The following PDXDC1 variants were observed in gnomAD, a reference collection of about 807,000 sequenced individuals.
PDXDC1 encodes the protein pyridoxal-dependent decarboxylase domain-containing protein 1.
In PDXDC1, 42 loss-of-function variants were observed where a neutral mutation model predicts 100.1. The ratio of observed to expected loss-of-function variants is 0.42; its 90% CI spans 0.33 to 0.54. PDXDC1 has a LOEUF of 0.54. PDXDC1 is among the 20% of genes least tolerant of loss of function. PDXDC1 has a pLI of 0.10. For missense variants in PDXDC1, 636 were observed against 979.2 expected, an observed-to-expected ratio of 0.65 and a Z score of 4.68; for synonymous variants, 260 against 371.7, an observed-to-expected ratio of 0.70 and a Z score of 3.46.
At chr16:15,040,122 G>A, downstream of PDXDC1, 4 of 965,362 alleles carry the variant, frequency 4.1e-6, no homozygotes, top group Non-Finnish European at 6.7e-6. Flanking sequence ...CGGAAAGTCT[G>A]CACAGTCTTA....
downstream of PDXDC1, among the ~76,000 whole-genome samples, chr16:15,140,573 G>A (rs2048455981): frequency 1.3e-5 from 2 of 152,104 alleles, no homozygotes; most frequent in African/African-American, 2.4e-5. Context: ...TCACAGCCAT[G>A]GGAAAGACAT....
intron 20 of PDXDC1, 27 bp downstream of exon 20, chr16:15,034,405 G>T (rs867093385): frequency 6.2e-7 from 1 of 1,613,284 alleles, no homozygotes; most frequent in Non-Finnish European, 8.5e-7. Context: ...GCAGCAGGCT[G>T]GGGGAGCCGC....
intron 1 of PDXDC1, among the ~76,000 whole-genome samples, chr16:14,986,485 C>G (rs11075248): frequency 6.6e-6 from 1 of 152,044 alleles, no homozygotes; most frequent in African/African-American, 2.4e-5. Flanking sequence ...AGTCTCAGTT[C>G]TGTGACAGTG....
downstream of PDXDC1, among the ~76,000 whole-genome samples, chr16:15,144,294 GCTC>G (rs1288127165): frequency 6.6e-6 from 1 of 152,220 alleles, no homozygotes; most frequent in Non-Finnish European, 1.5e-5. Context: ...TCTGCGCTGT[GCTC>G]CTTTCTATTT....
chr16:14,990,358 C>T (rs1399101704), intron 1 of PDXDC1, among the ~76,000 whole-genome samples: 1 of 152,284 alleles, frequency 6.6e-6, no homozygotes, highest in African/African-American at 2.4e-5. Context: ...AGGTTTGTGT[C>T]TGGCTGTTGC....
At position 15,131,453 on chromosome 16, in the gene PDXDC1, A is replaced by G. The variant is rs879238536; in HGVS notation, c.1400-7426A>G. The stretch of plus-strand genomic sequence containing the variant: ...CTGCTGAAAGCCTAGGGGATGGAGA[A>G]GTGGCAGCCAGGCCCTGGGGCGCCG... On this transcript the variant is annotated intron_variant, in intron 16 of 16. Coordinates refer to the PDXDC1 transcript ENST00000535621. The G allele has an allele frequency of 5.2e-5, 83 of 1,607,890 alleles. 1 individual carries two copies. Among genetic ancestry groups the G allele is most frequent in the African/African-American group, 1.1e-4 (8 of 74,768 alleles).
chr16:15,141,621 C>T (rs1217944652), downstream of PDXDC1, among the ~76,000 whole-genome samples: 1 of 152,204 alleles, frequency 6.6e-6, no homozygotes, highest in Non-Finnish European at 1.5e-5. Context: ...CGCTTCCCCC[C>T]TAACTGAACC....
At chr16:15,127,420 G>C in intron 16 of PDXDC1, 5 of 1,459,838 alleles carry the variant, frequency 3.4e-6, no homozygotes, top group Non-Finnish European at 4.6e-6. Flanking sequence ...GCATGGTGCC[G>C]AGGCCCAGGC....
intron 16 of PDXDC1, chr16:15,068,221 G>C: frequency 6.3e-7 from 1 of 1,594,886 alleles, no homozygotes; most frequent in Admixed American, 1.7e-5. Context: ...ATCTTCAGGG[G>C]ATTTAGCTGG....
the PDXDC1 span, among the ~76,000 whole-genome samples, chr16:15,147,938 G>C: frequency 5.9e-5 from 9 of 151,578 alleles, no homozygotes; most frequent in African/African-American, 1.7e-4. Flanking sequence ...CCCCACCTTG[G>C]CCTCCCAAAG....
downstream of PDXDC1, among the ~76,000 whole-genome samples, chr16:15,039,241 A>G (rs1469203806): frequency 3.3e-5 from 5 of 152,228 alleles, no homozygotes; most frequent in Non-Finnish European, 7.3e-5. Flanking sequence ...TATGTTCTGA[A>G]TATCAACTAA....
chr16:15,077,684 A>G (rs1480687146), intron 16 of PDXDC1, among the ~76,000 whole-genome samples: 10 of 152,216 alleles, frequency 6.6e-5, no homozygotes, highest in Non-Finnish European at 2.9e-5. Context: ...TACTAAAAAT[A>G]CAAAAAATTA....
At chr16:15,087,825 G>T (rs1340909499) in intron 16 of PDXDC1, among the ~76,000 whole-genome samples, 1 of 152,134 alleles carries the variant, frequency 6.6e-6, no homozygotes, top group Non-Finnish European at 1.5e-5. Context: ...ATTTTTAAAA[G>T]TAAATCAGGC....
intron 8 of PDXDC1, among the ~76,000 whole-genome samples, chr16:15,012,859 A>G (rs2041439109): frequency 1.3e-5 from 2 of 152,352 alleles, no homozygotes; most frequent in South Asian, 4.1e-4. Flanking sequence ...CTTAAAAAAA[A>G]AAAAAAAAAA....
At chr16:15,137,526 C>T (rs1041301956) in intron 16 of PDXDC1, 12 of 1,096,888 alleles carry the variant, frequency 1.1e-5, no homozygotes, top group African/African-American at 3.1e-5. Flanking sequence ...GGGAGGCAGG[C>T]GACATACTCC....
Position 15,037,544 on chromosome 16 carries a change from A to T in PDXDC1, c.*1269A>T, listed in dbSNP as rs1418713449. The T allele has an allele frequency of 6.5e-6, 1 of 153,626 alleles. No homozygotes were observed. Among genetic ancestry groups the T allele is most frequent in the Admixed American group, 6.5e-5 (1 of 15,410 alleles). The allele number at this position is 153,626 out of a possible 1,614,324, so 9.5% of individuals were successfully genotyped here. A position where few individuals can be genotyped will look rare whatever the true frequency, so the allele number is the denominator to read the frequency against. Reference sequence around the variant, plus strand: ...TGGTGCAATGAAGTATAGCAGATAAAATGGGGGAGGGGTAAATTATCACCT... The same window carrying T: ...TGGTGCAATGAAGTATAGCAGATAATATGGGGGAGGGGTAAATTATCACCT... On this transcript the variant is annotated 3_prime_UTR_variant, in exon 23 of 23. Transcript: ENST00000396410.
intron 8 of PDXDC1, among the ~76,000 whole-genome samples, chr16:15,011,631 C>CTTTTTTTTTTTTTTTTTTTTTTCTT: frequency 1.5e-5 from 2 of 131,276 alleles, no homozygotes; most frequent in Non-Finnish European, 3.3e-5. Flanking sequence ...ACATTTTTTT[C>CTTTTTTTTTTTTTTTTTTTTTTCTT]TTTTTTTTTT....
intron 16 of PDXDC1, among the ~76,000 whole-genome samples, chr16:15,129,634 C>T (rs1017097492): frequency 2.3e-4 from 35 of 152,232 alleles, no homozygotes; most frequent in Non-Finnish European, 4.3e-4. Context: ...TGTGGGGCCA[C>T]GCTACTGTGC....
chr16:14,990,814 C>T (rs532717157), intron 1 of PDXDC1, among the ~76,000 whole-genome samples: 12 of 152,386 alleles, frequency 7.9e-5, no homozygotes, highest in Admixed American at 1.3e-4. Flanking sequence ...AATTTCAGCT[C>T]GCTGCAGCCT....
Sources: allele counts gnomAD v4.1 joint callset (sites outside exome capture counted in the v4.1 genomes callset), GRCh38; gene constraint gnomAD v4.1.1; transcripts MANE v1.5; gene names NCBI Gene and HGNC (gene_info 2026-07-23, HGNC 2026-07-21).